The following MYBPC1 variants were observed in gnomAD, a reference collection of about 807,000 sequenced individuals.
MYBPC1 encodes the protein myosin binding protein C1.
Under a neutral mutation model 147.1 loss-of-function variants are expected in MYBPC1, and 52 were observed. The ratio of observed to expected loss-of-function variants is 0.35; its 90% CI spans 0.28 to 0.45. MYBPC1 has a LOEUF of 0.45. Among genes scored for constraint, MYBPC1 ranks in the 20% least tolerant of loss-of-function variants. The probability of loss-of-function intolerance (pLI) is 1.00; values close to 1 mark genes in which losing one functional copy is unlikely to be tolerated. For missense variants in MYBPC1, 1,228 were observed against 1,440.3 expected, an observed-to-expected ratio of 0.85 and a Z score of 2.39; for synonymous variants, 477 against 475.9, an observed-to-expected ratio of 1.00 and a Z score of -0.03.
chr12:101,603,512 A>C (rs1239663262), intron 1 of MYBPC1, among the ~76,000 whole-genome samples: 1 of 152,080 alleles, frequency 6.6e-6, no homozygotes, highest in Non-Finnish European at 1.5e-5. Flanking sequence ...TTGCGGTGGA[A>C]TTTTATTTTT....
intron 19 of MYBPC1, chr12:101,660,162 C>A: frequency 2.6e-6 from 1 of 379,972 alleles, no homozygotes; most frequent in Non-Finnish European, 5.0e-6. Context: ...GTGCATTTTT[C>A]CTAAGCCCAA....
chr12:101,600,329 C>A (rs890352132), intron 1 of MYBPC1: 18 of 151,648 alleles, frequency 1.2e-4, no homozygotes, highest in African/African-American at 3.4e-4. Context: ...TCTGTATACA[C>A]ACACAATTCA....
intron 8 of MYBPC1, 41 bp from the exon 9 acceptor site, chr12:101,634,513 C>T (rs762156131): frequency 2.0e-6 from 3 of 1,512,694 alleles, no homozygotes; most frequent in East Asian, 2.3e-5. Context: ...AAACTACCTC[C>T]TTAATGGGTA....
intron 8 of MYBPC1, among the ~76,000 whole-genome samples, chr12:101,634,245 G>T (rs1468258767): frequency 6.6e-6 from 1 of 152,200 alleles, no homozygotes; most frequent in Non-Finnish European, 1.5e-5. Flanking sequence ...GCCCCTCCCT[G>T]ATCTGGTGGA....
At chr12:101,607,454 TTGAG>T (rs1882654733) in intron 1 of MYBPC1, among the ~76,000 whole-genome samples, 1 of 152,194 alleles carries the variant, frequency 6.6e-6, no homozygotes, top group African/African-American at 2.4e-5. Context: ...GAATTTTACT[TTGAG>T]AATAAGAAAC....
chr12:101,639,044 C>T (rs1186209515), intron 10 of MYBPC1, among the ~76,000 whole-genome samples: 1 of 152,122 alleles, frequency 6.6e-6, no homozygotes, highest in Non-Finnish European at 1.5e-5. Flanking sequence ...ATGATTAAAA[C>T]CAACATCTCT....
chr12:101,670,123 CCACA>C (rs58177042), intron 23 of MYBPC1, among the ~76,000 whole-genome samples, 194 bp from the exon 24 acceptor site: 2,678 of 146,268 alleles, frequency 0.018, 72 homozygotes, highest in African/African-American at 0.059. Context: ...TGTGTGGAAA[CCACA>C]CACACACACA....
rs749956771 is a variant in MYBPC1, at chr12:101,648,044, G to A, written c.1091-1G>A. 6.2e-7 allele frequency: 1 copy of A among 1,604,188 alleles called. No individual in the cohort carries two copies. The highest frequency in any genetic ancestry group is 8.5e-7 in the Non-Finnish European group (1 of 1,171,246). ...TCTGATTTCCCCTTTTTGTATACTA[G>A]AGCCTCCAATTATGGTGACCAAACA... On this transcript the variant is annotated splice_acceptor_variant, in intron 13 of 31. Transcript: ENST00000361466. LOFTEE classifies it high-confidence loss of function.
chr12:101,608,350 T>C (rs1463714824), intron 1 of MYBPC1, among the ~76,000 whole-genome samples: 1 of 152,240 alleles, frequency 6.6e-6, no homozygotes, highest in Non-Finnish European at 1.5e-5. Flanking sequence ...TCCTTTTTAT[T>C]CAAAAAGTTT....
chr12:101,672,673 C>A (rs1011819420), intron 24 of MYBPC1, among the ~76,000 whole-genome samples: 6 of 152,006 alleles, frequency 3.9e-5, no homozygotes, highest in African/African-American at 1.4e-4. Flanking sequence ...CTTGGTGAAA[C>A]CCTGTTTCTA....
chr12:101,598,089 C>T (rs537259051), intron 1 of MYBPC1, among the ~76,000 whole-genome samples: 34 of 150,798 alleles, frequency 2.3e-4, no homozygotes, highest in Non-Finnish European at 3.2e-4. Context: ...CCACAGTCTC[C>T]GCTCACTGCA....
At chr12:101,685,527 C>A (rs982679489) in intron 31 of MYBPC1, 55 bp from the exon 32 acceptor site, 3 of 1,239,090 alleles carry the variant, frequency 2.4e-6, no homozygotes, top group South Asian at 1.3e-5. Flanking sequence ...ATTGTTTCAG[C>A]GATTTTTCAG....
chr12:101,666,823 A>G (rs1052385111), intron 22 of MYBPC1: 1 of 1,598,284 alleles, frequency 6.3e-7, no homozygotes, highest in Non-Finnish European at 8.6e-7. Flanking sequence ...AAGCTCTCAA[A>G]TTTTCTTACT....
chr12:101,660,776 T>C (rs1359789658), intron 19 of MYBPC1, among the ~76,000 whole-genome samples: 2 of 152,058 alleles, frequency 1.3e-5, no homozygotes, highest in Non-Finnish European at 1.5e-5. Flanking sequence ...TGGTGGAAGG[T>C]GAAAGCCATG....
rs1043601493 is a variant in MYBPC1, at chr12:101,679,398, C to T, written c.3247-945C>T. Among the ~76,000 whole-genome samples, 6 of 152,116 alleles carry T rather than the reference C, an allele frequency of 3.9e-5. No individual in the cohort carries two copies. The East Asian group carries it at 9.7e-4, about 25-fold the overall frequency. On this transcript the variant is annotated intron_variant, in intron 28 of 31. Coordinates refer to ENST00000361466, the MANE Select transcript of MYBPC1 (RefSeq NM_002465.4). ...TTAGAAAGGTGTGAGGCTCAGTGAT[C>T]GCTCCCATTTGACGGGTGGAAGGAA...
At chr12:101,634,125 C>CA (rs753698551) in intron 8 of MYBPC1, among the ~76,000 whole-genome samples, 1 of 152,122 alleles carries the variant, frequency 6.6e-6, no homozygotes, top group Non-Finnish European at 1.5e-5. Context: ...TGGTCGCGAT[C>CA]TCCTGATCTC....
chr12:101,616,213 C>G (rs1310496063), intron 2 of MYBPC1, among the ~76,000 whole-genome samples: 1 of 152,212 alleles, frequency 6.6e-6, no homozygotes, highest in Admixed American at 6.5e-5. Context: ...GATCTTGAAA[C>G]TAGTGTAGAT....
intron 10 of MYBPC1, among the ~76,000 whole-genome samples, chr12:101,641,274 T>A (rs1330916644): frequency 6.6e-6 from 1 of 152,164 alleles, no homozygotes. Context: ...CATATCCAAA[T>A]CAGCATTACG....
Position 101,685,639 on chromosome 12 carries a change from C to G in MYBPC1, c.*77C>G. 6.5e-7 allele frequency: 1 copy of G among 1,534,754 alleles called. No homozygotes were observed. ...GGCGTACCTCCAAACATAATTGATT[C>G]GTATCTGCGAGACTTACACTCAAGC... On this transcript the variant is annotated 3_prime_UTR_variant, in exon 32 of 32. Transcript: ENST00000361466.
Sources: gnomAD v4.1 joint callset for allele counts (sites outside exome capture counted in the v4.1 genomes callset) on GRCh38, gnomAD v4.1.1 for gene constraint, MANE v1.5 for transcripts, NCBI Gene and HGNC (gene_info 2026-07-23, HGNC 2026-07-21) for gene names.